Variants in CEP63 observed in about 807,000 individuals in gnomAD.
CEP63 encodes the protein centrosomal protein of 63 kDa.
Under a neutral mutation model 89.1 loss-of-function variants are expected in CEP63, and 84 were observed. The observed-to-expected ratio is 0.94, with a 90% CI of 0.79 to 1.13. CEP63 has a LOEUF of 1.13. Ranked by LOEUF, CEP63 falls within the 50% of genes most tolerant of loss-of-function variation. The probability of loss-of-function intolerance (pLI) is 0.00; values close to 1 mark genes in which losing one functional copy is unlikely to be tolerated. For missense variants in CEP63, 838 were observed against 813.3 expected (o/e 1.03, Z -0.37); for synonymous variants, 267 against 272.5 (o/e 0.98, Z 0.20).
the CEP63 span, among the ~76,000 whole-genome samples, chr3:134,758,321 C>T: frequency 1.3e-5 from 2 of 152,196 alleles, no homozygotes; most frequent in Non-Finnish European, 2.9e-5. Flanking sequence ...CTCTGGACTT[C>T]TCAATGGCAG....
At chr3:134,561,267 G>A in intron 14 of CEP63, 110 bp from the exon 15 acceptor site, 2 of 1,160,356 alleles carry the variant, frequency 1.7e-6, no homozygotes, top group South Asian at 2.5e-5. Flanking sequence ...TATCTTCAGA[G>A]GAAAAAAATC....
At chr3:134,531,025 A>C (rs1160728410) in intron 3 of CEP63, among the ~76,000 whole-genome samples, 2 of 152,186 alleles carry the variant, frequency 1.3e-5, no homozygotes, top group African/African-American at 4.8e-5. Flanking sequence ...GTATCAAATC[A>C]TTGAAAAGTG....
the CEP63 span, among the ~76,000 whole-genome samples, chr3:134,725,076 T>C: frequency 9.5e-6 from 1 of 105,200 alleles, no homozygotes; most frequent in Non-Finnish European, 2.4e-5. Flanking sequence ...TCAAAGAGTA[T>C]GCAACCAAAA....
chr3:134,578,335 T>TTTG (rs1958263837), downstream of CEP63, among the ~76,000 whole-genome samples: 2 of 30,512 alleles, frequency 6.6e-5, no homozygotes, highest in Non-Finnish European at 1.3e-4. Context: ...TTTTTTTTTT[T>TTTG]TTTTTTTTTT....
At chr3:134,761,189 C>T in the CEP63 span, among the ~76,000 whole-genome samples, 1 of 152,174 alleles carries the variant, frequency 6.6e-6, no homozygotes, top group Non-Finnish European at 1.5e-5. Flanking sequence ...GCTCAGATGC[C>T]CCTACTCCCT....
At chr3:134,666,878 T>C in the CEP63 span, among the ~76,000 whole-genome samples, 22 of 152,274 alleles carry the variant, frequency 1.4e-4, no homozygotes, top group South Asian at 4.6e-3. Flanking sequence ...CGATGGCAAG[T>C]AACACACCCA....
At chr3:134,710,604 G>C in the CEP63 span, among the ~76,000 whole-genome samples, 3 of 152,042 alleles carry the variant, frequency 2.0e-5, no homozygotes, top group Non-Finnish European at 4.4e-5. Flanking sequence ...CAGGCACCAC[G>C]CCCTAAAGAG....
chr3:134,609,437 G>A, the CEP63 span, among the ~76,000 whole-genome samples: 8 of 152,314 alleles, frequency 5.3e-5, no homozygotes, highest in Non-Finnish European at 1.0e-4. Context: ...CGCGAGCCCT[G>A]CGTGTAGGAT....
the CEP63 span, among the ~76,000 whole-genome samples, chr3:134,771,219 G>C: frequency 6.6e-6 from 1 of 152,116 alleles, no homozygotes; most frequent in Non-Finnish European, 1.5e-5. Flanking sequence ...CTTTCTCTAG[G>C]CTGAGTGGGG....
chr3:134,624,963 G>GT, the CEP63 span: 3 of 1,121,868 alleles, frequency 2.7e-6, no homozygotes, highest in Non-Finnish European at 4.0e-6. Context: ...CTCAGGATAT[G>GT]TTCAGGAGGT....
intron 10 of CEP63, among the ~76,000 whole-genome samples, chr3:134,580,174 G>A (rs1439049523): frequency 7.1e-6 from 1 of 140,480 alleles, no homozygotes; most frequent in Non-Finnish European, 1.5e-5. Context: ...CAGCCTGGGC[G>A]ACAGAGTGAG....
the CEP63 span, among the ~76,000 whole-genome samples, chr3:134,642,364 G>A: frequency 2.6e-5 from 4 of 152,210 alleles, no homozygotes; most frequent in Non-Finnish European, 4.4e-5. Context: ...CAGAGCAAGC[G>A]TGATGAACTC....
chr3:134,576,232 T>G (rs1206476705), downstream of CEP63, among the ~76,000 whole-genome samples: 1 of 152,230 alleles, frequency 6.6e-6, no homozygotes, highest in Non-Finnish European at 1.5e-5. Flanking sequence ...CACTAAAATA[T>G]TTCTGCAGTT....
chr3:134,746,610 T>C, the CEP63 span, among the ~76,000 whole-genome samples: 3 of 152,174 alleles, frequency 2.0e-5, no homozygotes, highest in African/African-American at 7.2e-5. Context: ...TAATGATTGC[T>C]ATTCTAACTG....
At chr3:134,775,178 G>A in the CEP63 span, among the ~76,000 whole-genome samples, 2 of 152,114 alleles carry the variant, frequency 1.3e-5, no homozygotes, top group Non-Finnish European at 2.9e-5. Flanking sequence ...TCACAGCGAG[G>A]TCCCTATAAG....
chr3:134,715,977 A>C, the CEP63 span, among the ~76,000 whole-genome samples: 1 of 149,868 alleles, frequency 6.7e-6, no homozygotes, highest in Non-Finnish European at 1.5e-5. Flanking sequence ...TCTTTCAAAG[A>C]CTTTTTTTTT....
At chr3:134,618,827 C>G in the CEP63 span, among the ~76,000 whole-genome samples, 2 of 152,182 alleles carry the variant, frequency 1.3e-5, no homozygotes, top group African/African-American at 4.8e-5. Flanking sequence ...ACTGTCCTCC[C>G]GCTCCCAGGC....
At chr3:134,521,430 G>A (rs1947431201) in intron 3 of CEP63, among the ~76,000 whole-genome samples, 1 of 71,478 alleles carries the variant, frequency 1.4e-5, no homozygotes, top group Non-Finnish European at 2.7e-5. Context: ...TTTTTCCCAT[G>A]GGTATTCTGG....
the CEP63 span, among the ~76,000 whole-genome samples, chr3:134,639,132 T>A: frequency 6.7e-6 from 1 of 149,836 alleles, no homozygotes; most frequent in African/African-American, 2.5e-5. Flanking sequence ...ATTGGTAGTT[T>A]AAAAAAAAAT....
Sources: gnomAD v4.1 joint callset for allele counts (sites outside exome capture counted in the v4.1 genomes callset) on GRCh38, gnomAD v4.1.1 for gene constraint, MANE v1.5 for transcripts, NCBI Gene and HGNC (gene_info 2026-07-23, HGNC 2026-07-21) for gene names.